The following BBX variants were observed in gnomAD, a reference collection of about 807,000 sequenced individuals.
The protein encoded by BBX is BBX high mobility group box domain containing, also known as HMG box transcription factor BBX.
A neutral mutation model predicts 100.2 loss-of-function variants in BBX; 30 were observed. The ratio of observed to expected loss-of-function variants is 0.30; its 90% CI spans 0.22 to 0.41. BBX has a LOEUF of 0.41. BBX is among the 10% of genes least tolerant of loss of function. The pLI is 1.00. For missense variants in BBX, 1,023 were observed against 1,129.8 expected (o/e 0.91, Z 1.35); for synonymous variants, 376 against 388.1 (o/e 0.97, Z 0.37).
chr3:107,741,029 T>C (rs911664299), intron 7 of BBX, among the ~76,000 whole-genome samples: 1 of 150,556 alleles, frequency 6.6e-6, no homozygotes. Flanking sequence ...TGGCATGTCA[T>C]AGGTGCCTAT....
At chr3:107,607,833 C>T (rs1355378483) in intron 2 of BBX, among the ~76,000 whole-genome samples, 1 of 152,026 alleles carries the variant, frequency 6.6e-6, no homozygotes, top group Non-Finnish European at 1.5e-5. Context: ...TTTTTATATA[C>T]CTGTTGCTGT....
chr3:107,662,368 G>A (rs1394433454), intron 3 of BBX, among the ~76,000 whole-genome samples: 6 of 152,112 alleles, frequency 3.9e-5, no homozygotes, highest in African/African-American at 1.4e-4. Flanking sequence ...TGAAATGAAA[G>A]TGCTAAGTTT....
At chr3:107,616,752 A>G (rs1453819192) in intron 2 of BBX, among the ~76,000 whole-genome samples, 1 of 151,816 alleles carries the variant, frequency 6.6e-6, no homozygotes, top group African/African-American at 2.4e-5. Flanking sequence ...AGTTTTTCTT[A>G]CTGTTGAATT....
chr3:107,686,180 G>C (rs1038516652), intron 3 of BBX, among the ~76,000 whole-genome samples: 1 of 152,164 alleles, frequency 6.6e-6, no homozygotes, highest in African/African-American at 2.4e-5. Context: ...ATATGTGTGT[G>C]TGTTTATGTG....
chr3:107,545,167 G>A lies in BBX; in HGVS notation c.-84+18769G>A, dbSNP rs570123799. Among the ~76,000 whole-genome samples, 243 of 152,242 alleles carry A rather than the reference G, an allele frequency of 1.6e-3. 1 individual carries two copies. Among genetic ancestry groups the A allele is most frequent in the Non-Finnish European group, 2.6e-3 (180 of 68,008 alleles). On this transcript the variant is annotated intron_variant, in intron 2 of 17. Coordinates refer to ENST00000325805, the MANE Select transcript of BBX (RefSeq NM_001142568.3). Reference sequence around the variant, plus strand: ...TTTAATGTATTTTCCAAGTTAGTGTGTCTTTTAGAGTTTGATTAAAGAAGA... The same window carrying A: ...TTTAATGTATTTTCCAAGTTAGTGTATCTTTTAGAGTTTGATTAAAGAAGA...
At chr3:107,700,414 C>T (rs7620135) in intron 3 of BBX, among the ~76,000 whole-genome samples, 12,334 of 69,818 alleles carry the variant, frequency 0.18, 643 homozygotes, top group East Asian at 0.29. Context: ...CTTTCATCAT[C>T]ATTATTATTA....
intron 2 of BBX, among the ~76,000 whole-genome samples, chr3:107,555,437 T>G (rs921213495): frequency 6.6e-6 from 1 of 152,166 alleles, no homozygotes; most frequent in Admixed American, 6.5e-5. Context: ...AGAAAAAGCT[T>G]GGAGAGTGCT....
chr3:107,748,739 G>A lies in BBX; in HGVS notation c.825+700G>A, dbSNP rs147394228. On this transcript the variant is annotated intron_variant, in intron 9 of 17. Coordinates refer to ENST00000325805, the MANE Select transcript of BBX (RefSeq NM_001142568.3). ...AAACGTATACAGTTTATGAAAATAA[G>A]ATGCTATCTGCTTTAGGTCTTTTCT... Among the ~76,000 whole-genome samples the A allele has an allele frequency of 8.9e-3, 1,349 of 152,224 alleles. 17 individuals carry two copies. The highest frequency in any genetic ancestry group is 0.048 in the Middle Eastern group (14 of 294).
chr3:107,662,566 G>C (rs1186301417), intron 3 of BBX: 1 of 150,872 alleles, frequency 6.6e-6, no homozygotes, highest in Non-Finnish European at 1.5e-5. Flanking sequence ...AATTGATACA[G>C]ACCATTAGAA....
intron 3 of BBX, among the ~76,000 whole-genome samples, chr3:107,676,654 G>T (rs1482509127): frequency 6.6e-6 from 1 of 152,052 alleles, no homozygotes; most frequent in East Asian, 1.9e-4. Flanking sequence ...ATAGGTCCTG[G>T]ACCACTTAGG....
chr3:107,721,123 C>T (rs2062494489), intron 5 of BBX, among the ~76,000 whole-genome samples: 3 of 152,000 alleles, frequency 2.0e-5, no homozygotes. Flanking sequence ...CTTTTAAAAA[C>T]TTTTATTTTA....
At chr3:107,540,186 G>A (rs1230871123) in intron 2 of BBX, among the ~76,000 whole-genome samples, 4 of 152,202 alleles carry the variant, frequency 2.6e-5, no homozygotes, top group African/African-American at 7.2e-5. Context: ...GAAAAGTTAA[G>A]TTCTAGAAGC....
At chr3:107,787,672 TAAAAC>T (rs2107907303) in intron 13 of BBX, among the ~76,000 whole-genome samples, 1 of 152,306 alleles carries the variant, frequency 6.6e-6, no homozygotes, top group East Asian at 1.9e-4. Context: ...AAAAATCAGT[TAAAAC>T]AATAGGTTTG....
intron 2 of BBX, among the ~76,000 whole-genome samples, chr3:107,620,740 A>T (rs2055683814): frequency 1.3e-5 from 2 of 152,124 alleles, no homozygotes; most frequent in Non-Finnish European, 2.9e-5. Context: ...ACTGTTTTAT[A>T]CATGGCCTTT....
intron 2 of BBX, among the ~76,000 whole-genome samples, chr3:107,538,310 A>G (rs1353613404): frequency 6.6e-6 from 1 of 152,210 alleles, no homozygotes; most frequent in Non-Finnish European, 1.5e-5. Context: ...ACACATGAGC[A>G]CAGAATTATA....
At chr3:107,724,622 A>C (rs2062786908) in intron 5 of BBX, among the ~76,000 whole-genome samples, 2 of 152,212 alleles carry the variant, frequency 1.3e-5, no homozygotes, top group African/African-American at 4.8e-5. Flanking sequence ...AGCTTTCTAC[A>C]TATGGCTAGC....
intron 2 of BBX, among the ~76,000 whole-genome samples, chr3:107,600,889 T>C (rs926164662): frequency 2.6e-5 from 4 of 152,206 alleles, no homozygotes; most frequent in East Asian, 1.9e-4. Context: ...TGCTTCACTT[T>C]ATTGCACATC....
chr3:107,614,163 G>A (rs1473178039), intron 2 of BBX, among the ~76,000 whole-genome samples: 1 of 151,874 alleles, frequency 6.6e-6, no homozygotes, highest in Non-Finnish European at 1.5e-5. Context: ...TTTTGGCCAG[G>A]ATGGTCTTGA....
chr3:107,760,055 A>G (rs896540003), intron 10 of BBX, among the ~76,000 whole-genome samples: 3 of 152,322 alleles, frequency 2.0e-5, no homozygotes, highest in South Asian at 4.1e-4. Context: ...TGAGGTAGCT[A>G]CTATCATTCT....
Sources: allele counts gnomAD v4.1 joint callset (sites outside exome capture counted in the v4.1 genomes callset), GRCh38; gene constraint gnomAD v4.1.1; transcripts MANE v1.5; gene names NCBI Gene and HGNC (gene_info 2026-07-23, HGNC 2026-07-21).